The following TMC5 variants were observed in gnomAD, a reference collection of about 807,000 sequenced individuals.
The protein encoded by TMC5 is transmembrane channel-like protein 5.
A neutral mutation model predicts 110.5 loss-of-function variants in TMC5; 86 were observed. The observed-to-expected ratio is 0.78, with a 90% CI of 0.65 to 0.93. The LOEUF is 0.93. Ranked by LOEUF, TMC5 falls within the 40% of genes least tolerant of loss-of-function variation. The probability of loss-of-function intolerance (pLI) is 0.00; values close to 1 mark genes in which losing one functional copy is unlikely to be tolerated. For missense variants in TMC5, 1,144 were observed against 1,222.8 expected (o/e 0.94, Z 0.96); for synonymous variants, 455 against 439.5 (o/e 1.04, Z -0.44).
rs1017931485 is a variant in TMC5, at chr16:19,430,470, C to T, written c.-250C>T. The T allele has an allele frequency of 6.6e-6, 1 of 152,392 alleles. No individual in the cohort carries two copies. Among genetic ancestry groups the T allele is most frequent in the Non-Finnish European group, 1.5e-5 (1 of 68,048 alleles). The allele number at this position is 152,392 out of a possible 1,614,324, so 9.4% of individuals were successfully genotyped here. On this transcript the variant is annotated 5_prime_UTR_variant, in exon 2 of 22. Transcript: ENST00000542583. ...GAATATTCAGACTTCAGACCAGCATCACAGATTATAACCCTCCGTAAATCA... is the reference window on the plus strand; with the variant it reads ...GAATATTCAGACTTCAGACCAGCATTACAGATTATAACCCTCCGTAAATCA...
intron 15 of TMC5, among the ~76,000 whole-genome samples, chr16:19,485,109 T>TG (rs1968706930): frequency 7.4e-6 from 1 of 135,576 alleles, no homozygotes; most frequent in South Asian, 2.3e-4. Context: ...TTTTATTATT[T>TG]GCCTTTTTTT....
At chr16:19,452,555 A>T (rs936338845) in intron 5 of TMC5, among the ~76,000 whole-genome samples, 3 of 151,662 alleles carry the variant, frequency 2.0e-5, no homozygotes, top group African/African-American at 7.3e-5. Flanking sequence ...CGTCTCTACT[A>T]AAAATACAAA....
chr16:19,495,688 T>C (rs1481599667), intron 20 of TMC5, among the ~76,000 whole-genome samples: 3 of 152,006 alleles, frequency 2.0e-5, no homozygotes, highest in Non-Finnish European at 4.4e-5. Flanking sequence ...TAAAAAATTT[T>C]AATAATTAGG....
At chr16:19,463,172 C>A in intron 6 of TMC5, 108 bp from the exon 7 acceptor site, 1 of 815,102 alleles carries the variant, frequency 1.2e-6, no homozygotes. Context: ...CCTCTTGCCT[C>A]AGCTTCCGAA....
intron 2 of TMC5, among the ~76,000 whole-genome samples, chr16:19,437,866 GAA>G (rs1306039388): frequency 6.6e-6 from 1 of 152,150 alleles, no homozygotes; most frequent in Non-Finnish European, 1.5e-5. Flanking sequence ...CCACCCCAGT[GAA>G]ATAAGAGCAC....
intron 5 of TMC5, 63 bp downstream of exon 5, chr16:19,449,694 G>A (rs982115116): frequency 2.1e-6 from 3 of 1,445,932 alleles, no homozygotes; most frequent in East Asian, 4.5e-5. Context: ...TAATCCCCAT[G>A]TGTCGGGGGA....
At chr16:19,493,347 A>G (rs931976894) in intron 19 of TMC5, among the ~76,000 whole-genome samples, 2 of 151,966 alleles carry the variant, frequency 1.3e-5, no homozygotes, top group African/African-American at 2.4e-5. Context: ...CTTATATCCA[A>G]TGTTTACATT....
intron 20 of TMC5, among the ~76,000 whole-genome samples, chr16:19,494,679 C>A (rs1351194376): frequency 6.6e-6 from 1 of 152,058 alleles, no homozygotes; most frequent in Non-Finnish European, 1.5e-5. Context: ...TGGTGGCACG[C>A]ACCTGTAGCC....
chr16:19,444,082 G>T lies in TMC5; in HGVS notation c.790G>T (p.Val264Leu). 4 of 1,613,426 alleles carry T rather than the reference G, an allele frequency of 2.5e-6. No homozygotes were observed. Among genetic ancestry groups the T allele is most frequent in the African/African-American group, 1.3e-5 (1 of 75,004 alleles). Reference protein sequence around the residue: ...SSETPKMTRGVLSRTSSIQPS... With the variant: ...SSETPKMTRGLLSRTSSIQPS... ...GTGATCCATCATTTTGGATTTTAGG[G>T]TGCTCAGCAGAACATCTTCAATCCA... The change falls in exon 4 of 22, where the codon GTG becomes TTG. Residue 264 changes from valine (V) to leucine (L), a missense_variant and splice_region_variant. Physicochemically the swap from Val to Leu is conservative, Grantham distance 32. Transcript: ENST00000542583.
intron 1 of TMC5, chr16:19,411,528 C>G (rs1041246379): frequency 2.6e-5 from 4 of 152,178 alleles, no homozygotes; most frequent in African/African-American, 9.7e-5. Flanking sequence ...CTCAGGAAGT[C>G]AAACTCCGGA....
chr16:19,456,917 C>A (rs144558525), intron 5 of TMC5: 411 of 1,614,166 alleles, frequency 2.5e-4, no homozygotes, highest in Admixed American at 4.5e-4. Flanking sequence ...CCAGGTGCTG[C>A]GGTTTTCAAC....
intron 12 of TMC5, chr16:19,474,805 C>G (rs908888272): frequency 6.5e-6 from 1 of 153,582 alleles, no homozygotes; most frequent in African/African-American, 2.4e-5. Context: ...GATGGGCAGG[C>G]AGTGCACGCA....
intron 2 of TMC5, among the ~76,000 whole-genome samples, chr16:19,432,476 A>G (rs1967214588): frequency 6.6e-6 from 1 of 152,242 alleles, no homozygotes; most frequent in African/African-American, 2.4e-5. Context: ...AAACAGTATC[A>G]TTCCTTTGAA....
In TMC5 at chr16:19,460,205, G is replaced by T. The variant is rs950568634; in HGVS notation, c.1049-30G>T. The T allele has an allele frequency of 6.4e-6, 10 of 1,553,670 alleles. No homozygotes were observed. In the African/African-American group the frequency reaches 9.5e-5, roughly 15 times the overall value. The stretch of plus-strand genomic sequence containing the variant: ...TGTTACGATTCTGTTAAAGAAAAAA[G>T]AAATTAAATTCCATTAATTTCTTTC... On this transcript the variant is annotated intron_variant, in intron 5 of 21. Coordinates refer to ENST00000542583, the MANE Select transcript of TMC5 (RefSeq NM_001261841.2).
intron 4 of TMC5, among the ~76,000 whole-genome samples, chr16:19,447,885 A>C (rs948749168): frequency 8.7e-6 from 1 of 114,310 alleles, no homozygotes; most frequent in African/African-American, 2.9e-5. Context: ...TAAGATATTG[A>C]AGCTCAGAGA....
At chr16:19,419,383 A>G (rs562493789) in intron 1 of TMC5, among the ~76,000 whole-genome samples, 148 of 145,282 alleles carry the variant, frequency 1.0e-3, no homozygotes, top group African/African-American at 3.5e-3. Flanking sequence ...AAAGAAGCTC[A>G]GTGGAAATGA....
At chr16:19,482,971 C>T (rs1317417455) in intron 15 of TMC5, among the ~76,000 whole-genome samples, 1 of 152,056 alleles carries the variant, frequency 6.6e-6, no homozygotes, top group Non-Finnish European at 1.5e-5. Context: ...TCAAGCAATT[C>T]TCATGCCTCA....
intron 1 of TMC5, among the ~76,000 whole-genome samples, chr16:19,423,478 C>T (rs550985707): frequency 1.4e-4 from 22 of 152,228 alleles, no homozygotes; most frequent in Non-Finnish European, 2.8e-4. Flanking sequence ...GAATTTAGCA[C>T]CTCAACATTT....
rs1425920169 is a variant in TMC5, at chr16:19,474,178, G to A, written c.1992G>A (p.Val664=). 1.2e-6 allele frequency: 2 copies of A among 1,613,866 alleles called. No homozygotes were observed. The highest frequency in any genetic ancestry group is 1.7e-6 in the Non-Finnish European group (2 of 1,180,010). The change falls in exon 12 of 22, where the codon GTG becomes GTA. Residue 664 remains valine (V), a synonymous_variant. Transcript: ENST00000542583. ...PGAVLLLPFV[V]SCINLAVPCI... Reference sequence around the variant, plus strand: ...CGGTGCTGTTACTGCCTTTCGTTGTGTCCTGCATTAATCTGGCCGTGCCAT... The same window carrying A: ...CGGTGCTGTTACTGCCTTTCGTTGTATCCTGCATTAATCTGGCCGTGCCAT...
Sources: allele counts gnomAD v4.1 joint callset (sites outside exome capture counted in the v4.1 genomes callset), GRCh38; gene constraint gnomAD v4.1.1; transcripts MANE v1.5; gene names NCBI Gene and HGNC (gene_info 2026-07-23, HGNC 2026-07-21).